The following CALN1 variants were observed in gnomAD, a reference collection of about 807,000 sequenced individuals.
The protein encoded by CALN1 is calcium-binding protein 8.
Under a neutral mutation model 30.6 loss-of-function variants are expected in CALN1, and 17 were observed. The ratio of observed to expected loss-of-function variants is 0.56; its 90% CI spans 0.38 to 0.83. CALN1 has a LOEUF of 0.83. CALN1 is among the 40% of genes least tolerant of loss of function. The pLI, the probability that CALN1 is intolerant of heterozygous loss-of-function variation, is 0.00. For synonymous variants in CALN1, 156 were observed against 131.4 expected (o/e 1.19, Z -1.28); for missense variants, 291 against 354.9 (o/e 0.82, Z 1.45).
At chr7:72,300,211 G>C (rs1031927883) in intron 2 of CALN1, among the ~76,000 whole-genome samples, 3 of 152,140 alleles carry the variant, frequency 2.0e-5, no homozygotes, top group African/African-American at 7.2e-5. Flanking sequence ...ATACTGGTGA[G>C]AATGTAATGG....
intron 4 of CALN1, among the ~76,000 whole-genome samples, chr7:72,080,882 A>G (rs1805090919): frequency 6.6e-6 from 1 of 152,124 alleles, no homozygotes; most frequent in African/African-American, 2.4e-5. Flanking sequence ...TTACAGAGAA[A>G]GGATACTGGA....
chr7:72,453,363 AT>A, the CALN1 span, among the ~76,000 whole-genome samples: 1 of 152,222 alleles, frequency 6.6e-6, no homozygotes, highest in Non-Finnish European at 1.5e-5. Flanking sequence ...TTTTAATTAC[AT>A]GCAAATTAAG....
At chr7:72,205,551 A>AATAT (rs1554319583) in intron 3 of CALN1, among the ~76,000 whole-genome samples, 1 of 83,050 alleles carries the variant, frequency 1.2e-5, no homozygotes, top group Non-Finnish European at 2.0e-5. Flanking sequence ...GCAAAAAAAA[A>AATAT]ATATATATAT....
intron 1 of CALN1, among the ~76,000 whole-genome samples, chr7:72,405,237 G>A (rs1341742242): frequency 6.6e-6 from 1 of 152,144 alleles, no homozygotes; most frequent in Admixed American, 6.5e-5. Flanking sequence ...TCACCAAACA[G>A]CACATGTGCA....
At chr7:72,259,345 G>T (rs1210665912) in intron 3 of CALN1, among the ~76,000 whole-genome samples, 1 of 151,888 alleles carries the variant, frequency 6.6e-6, no homozygotes, top group Non-Finnish European at 1.5e-5. Flanking sequence ...GAACCCACTG[G>T]ACATCTCCAG....
At chr7:72,294,426 T>C (rs1022658264) in intron 2 of CALN1, among the ~76,000 whole-genome samples, 8 of 152,100 alleles carry the variant, frequency 5.3e-5, no homozygotes, top group Non-Finnish European at 7.4e-5. Flanking sequence ...TACCATATCA[T>C]AGCACTGTAA....
intron 2 of CALN1, among the ~76,000 whole-genome samples, chr7:72,325,972 G>A (rs1022246411): frequency 6.6e-6 from 1 of 152,208 alleles, no homozygotes; most frequent in African/African-American, 2.4e-5. Context: ...CACAATCTCA[G>A]CTCACTGCAA....
intron 5 of CALN1, among the ~76,000 whole-genome samples, chr7:72,013,355 G>A (rs1340319471): frequency 6.9e-6 from 1 of 145,920 alleles, no homozygotes; most frequent in Non-Finnish European, 1.5e-5. Flanking sequence ...TGGCTCAAGT[G>A]ATCCTCCTGC....
intron 4 of CALN1, among the ~76,000 whole-genome samples, chr7:72,032,381 G>A (rs922881380): frequency 7.9e-5 from 12 of 152,066 alleles, no homozygotes; most frequent in Admixed American, 5.9e-4. Context: ...TGTAGAGACA[G>A]GGTCTCACTA....
chr7:72,203,975 C>CTATT (rs1562730767), intron 3 of CALN1, among the ~76,000 whole-genome samples: 2 of 101,590 alleles, frequency 2.0e-5, no homozygotes, highest in South Asian at 4.6e-4. Flanking sequence ...TAAGAGGCCT[C>CTATT]TCTCTTTTTT....
At chr7:71,843,990 T>G (rs565015570) in intron 5 of CALN1, among the ~76,000 whole-genome samples, 1 of 152,210 alleles carries the variant, frequency 6.6e-6, no homozygotes, top group East Asian at 1.9e-4. Context: ...CAGGAATTGA[T>G]CTCGGTGACT....
chr7:72,014,444 C>T (rs1462860390), intron 5 of CALN1, among the ~76,000 whole-genome samples: 2 of 152,070 alleles, frequency 1.3e-5, no homozygotes, highest in East Asian at 3.9e-4. Context: ...ATTTATTTTC[C>T]ATTCTGAGAA....
chr7:71,877,440 A>C (rs1179235917), intron 5 of CALN1, among the ~76,000 whole-genome samples: 1 of 152,198 alleles, frequency 6.6e-6, no homozygotes, highest in Non-Finnish European at 1.5e-5. Flanking sequence ...AAAAAATTAC[A>C]AACCACTTGA....
At position 72,359,990 on chromosome 7, in the gene CALN1, A is replaced by AAAAAAAAAAAAAAAAC. The variant is rs1365927582; in HGVS notation, c.119+43260_119+43261insGTTTTTTTTTTTTTTT. 1.6e-4 allele frequency among the ~76,000 whole-genome samples: 23 copies of AAAAAAAAAAAAAAAAC among 148,282 alleles called. 1 individual carries two copies. Among genetic ancestry groups the AAAAAAAAAAAAAAAAC allele is most frequent in the African/African-American group, 4.8e-4 (19 of 39,886 alleles). On this transcript the variant is annotated intron_variant, in intron 2 of 6. Coordinates refer to ENST00000395275, the MANE Select transcript of CALN1 (RefSeq NM_031468.4). ...AGACTCCATCTCAAAAAAAAAAAAA[A>AAAAAAAAAAAAAAAAC]ACCAAAGTTGACCTGGATTCTGCAA...
chr7:72,253,164 T>C (rs1279857070), intron 3 of CALN1, among the ~76,000 whole-genome samples: 2 of 152,242 alleles, frequency 1.3e-5, no homozygotes, highest in African/African-American at 4.8e-5. Flanking sequence ...ATTGATCATT[T>C]TGGTTTTCAG....
chr7:72,308,514 T>C (rs1423487613), intron 2 of CALN1, among the ~76,000 whole-genome samples: 1 of 152,002 alleles, frequency 6.6e-6, no homozygotes, highest in Non-Finnish European at 1.5e-5. Flanking sequence ...CAAGGAATAT[T>C]TGAAAATGTT....
chr7:72,294,371 A>C (rs776787788), intron 2 of CALN1, among the ~76,000 whole-genome samples: 1 of 152,198 alleles, frequency 6.6e-6, no homozygotes, highest in Non-Finnish European at 1.5e-5. Flanking sequence ...TCTATGTTTG[A>C]GGGTAAAATT....
At chr7:72,281,693 C>T (rs1286961100) in intron 2 of CALN1, among the ~76,000 whole-genome samples, 4 of 152,186 alleles carry the variant, frequency 2.6e-5, no homozygotes, top group Non-Finnish European at 5.9e-5. Flanking sequence ...GCATTCCTTC[C>T]ATTCCACCAT....
At chr7:72,301,406 G>A (rs146317600) in intron 2 of CALN1, among the ~76,000 whole-genome samples, 3 of 151,916 alleles carry the variant, frequency 2.0e-5, no homozygotes, top group South Asian at 2.1e-4. Context: ...TCAGGAGTTC[G>A]AGACCAGCCT....
Sources: gnomAD v4.1 joint callset for allele counts (sites outside exome capture counted in the v4.1 genomes callset) on GRCh38, gnomAD v4.1.1 for gene constraint, MANE v1.5 for transcripts, NCBI Gene and HGNC (gene_info 2026-07-23, HGNC 2026-07-21) for gene names.